Variants in CEP95 observed in about 807,000 individuals in gnomAD.
The protein encoded by CEP95 is centrosomal protein of 95 kDa.
Under a neutral mutation model 111.2 loss-of-function variants are expected in CEP95, and 98 were observed. The ratio of observed to expected loss-of-function variants is 0.88; its 90% confidence interval spans 0.75 to 1.04. The LOEUF is 1.04. CEP95 is among the 50% of genes least tolerant of loss of function. The pLI is 0.00. For synonymous variants in CEP95, 323 were observed against 327.1 expected (o/e 0.99, Z 0.14); for missense variants, 1,027 against 977.2 (o/e 1.05, Z -0.68).
In CEP95 at chr17:64,510,178, A is replaced by G. The variant is rs370399816; in HGVS notation, c.154A>G (p.Ile52Val). 7 of 1,593,786 alleles carry G rather than the reference A, an allele frequency of 4.4e-6. No individual in the cohort carries two copies. The highest frequency in any genetic ancestry group is 1.1e-5 in the South Asian group (1 of 89,498). ...GTGATTTTTTCCCCCCCCAGACCTC[A>G]TAGTTATTCCTAGGAGTCAAGAAGA... The part of the protein sequence containing the change: ...SILGEKVPDL[I>V]VIPRSQEDDA... Residue 52 changes from isoleucine to valine, a missense_variant, in exon 3 of 20, where the codon ATA becomes GTA. Physicochemically the swap from Ile to Val is conservative, Grantham distance 29. Transcript: ENST00000556440.
In CEP95 at chr17:64,532,976, G is replaced by A. The variant is rs781878279; in HGVS notation, c.1810G>A (p.Glu604Lys). The A allele has an allele frequency of 4.6e-5, 74 of 1,612,268 alleles. No individual in the cohort carries two copies. The highest frequency in any genetic ancestry group is 1.6e-4 in the Middle Eastern group (1 of 6,076). The change falls in exon 15 of 20, where the codon GAA (glutamate) becomes AAA (lysine). Residue 604 changes from glutamate to lysine, a missense_variant. Coordinates refer to ENST00000556440, the MANE Select transcript of CEP95 (RefSeq NM_138363.3). Reference protein sequence around the residue: ...VEQLKKEACRENRSKKKLQDE... With the variant: ...VEQLKKEACRKNRSKKKLQDE... ...ACAGCTTAAGAAAGAAGCATGTAGAGAAAATCGATCAAAGAAGAAACTCCA... is the reference window on the plus strand; with the variant it reads ...ACAGCTTAAGAAAGAAGCATGTAGAAAAAATCGATCAAAGAAGAAACTCCA...
rs1555673199 is a variant in CEP95, at chr17:64,507,140, G to A, written c.19+24G>A. ...TGGTGAGTGTCTCCCTGGGGTCCCA[G>A]TATGTGTGGACTGAAACCGTCCACC... On this transcript the variant is annotated intron_variant, in intron 1 of 19. Transcript: ENST00000556440. 6 of 1,551,468 alleles carry A rather than the reference G, an allele frequency of 3.9e-6. No individual in the cohort carries two copies. In the South Asian group the frequency reaches 5.9e-5, roughly 15 times the overall value.
intron 13 of CEP95, 86 bp downstream of exon 13, chr17:64,531,104 C>T: frequency 1.4e-6 from 1 of 692,840 alleles, no homozygotes; most frequent in Non-Finnish European, 2.3e-6. Context: ...GAAGAAGGGG[C>T]CAACAGGGCC....
At chr17:64,518,966 C>T (rs927800527) in intron 5 of CEP95, among the ~76,000 whole-genome samples, 3 of 152,156 alleles carry the variant, frequency 2.0e-5, no homozygotes, top group Admixed American at 6.5e-5. Flanking sequence ...CAGGTGTGAG[C>T]TACCATGCCC....
rs782433279 is a variant in CEP95, at chr17:64,537,618, A to T, written c.2305A>T (p.Lys769Ter). 1 of 1,608,942 alleles carries T rather than the reference A, an allele frequency of 6.2e-7. No individual in the cohort carries two copies. Among genetic ancestry groups the T allele is most frequent in the East Asian group, 2.2e-5 (1 of 44,718 alleles). ...KSQAQTLHKV[K>*]RELRSKMEKE... ...CTTTTTTCAGACATTACATAAGGTG[A>T]AGAGGGAGCTGAGATCTAAGATGGA... is the stretch of plus-strand genomic sequence containing the variant. The change falls in exon 20 of 20, where the codon AAG becomes TAG. Residue 769 changes from lysine to a stop codon, truncating the protein, a stop_gained. Transcript: ENST00000556440. LOFTEE classifies it high-confidence loss of function.
At chr17:64,525,455 T>C (rs1236009051) in intron 8 of CEP95, among the ~76,000 whole-genome samples, 1 of 152,230 alleles carries the variant, frequency 6.6e-6, no homozygotes, top group Admixed American at 6.5e-5. Flanking sequence ...TTGAATACTT[T>C]GTACTAGTGA....
chr17:64,519,563 GA>G, intron 6 of CEP95, 127 bp downstream of exon 6: 4 of 659,444 alleles, frequency 6.1e-6, no homozygotes, highest in Non-Finnish European at 1.0e-5. Context: ...TGAAATTCCA[GA>G]ATATCCCACT....
At chr17:64,514,402 T>A (rs1555675919) in intron 4 of CEP95, 44 bp downstream of exon 4, 1 of 853,322 alleles carries the variant, frequency 1.2e-6, no homozygotes, top group Admixed American at 2.1e-5. Flanking sequence ...CCTTTTATGA[T>A]GTGTCCCTTT....
At chr17:64,508,527 T>A (rs563648559) in intron 1 of CEP95, 65 bp from the exon 2 acceptor site, 3 of 1,273,718 alleles carry the variant, frequency 2.4e-6, no homozygotes, top group South Asian at 5.9e-5. Context: ...TTGGATTTTT[T>A]AAATGTCTGT....
At chr17:64,534,945 ATCT>A (rs1968550040) in intron 17 of CEP95, 2 of 546,278 alleles carry the variant, frequency 3.7e-6, no homozygotes, top group African/African-American at 3.8e-5. Context: ...CGTGTCCCTC[ATCT>A]TAATGTGAAG....
rs782156591 is a variant in CEP95 at position 64,519,422 on chromosome 17, C to T, written c.575C>T (p.Ser192Phe). The part of the protein sequence containing the change: ...IRLGDTAHTF[S>F]LRSNGAQCPN... The stretch of plus-strand genomic sequence containing the variant: ...CTTGGAGACACAGCACACACCTTTT[C>T]TCTAAGAAGTAATGGTGAGTAGTTA... Residue 192 changes from serine (S) to phenylalanine (F), a missense_variant, in exon 6 of 20, where the codon TCT (serine) becomes TTT (phenylalanine). Ser to Phe is a radical substitution (Grantham distance 155, BLOSUM62 -2). Coordinates refer to ENST00000556440, the MANE Select transcript of CEP95 (RefSeq NM_138363.3). The T allele has an allele frequency of 6.2e-7, 1 of 1,611,994 alleles. No individual in the cohort carries two copies. Among genetic ancestry groups the T allele is most frequent in the Admixed American group, 1.7e-5 (1 of 59,988 alleles).
In CEP95 at chr17:64,534,815, A is replaced by G. The variant is rs551392939; in HGVS notation, c.2070+78A>G. The G allele has an allele frequency of 7.1e-4, 1,071 of 1,513,502 alleles. 1 individual carries two copies. Among genetic ancestry groups the G allele is most frequent in the Non-Finnish European group, 8.8e-4 (978 of 1,110,956 alleles). 93.8% of individuals were successfully genotyped at this position (1,513,502 alleles called of 1,614,324 possible). ...TTCAGGACCACCTTCTTTGTTCGTGACTCTTGTCCAAATTTGAATCCAAAA... is the reference window on the plus strand; with the variant it reads ...TTCAGGACCACCTTCTTTGTTCGTGGCTCTTGTCCAAATTTGAATCCAAAA... On this transcript the variant is annotated intron_variant, in intron 17 of 19. Transcript: ENST00000556440.
At chr17:64,533,276 C>T in intron 16 of CEP95, 85 bp downstream of exon 16, 2 of 1,178,594 alleles carry the variant, frequency 1.7e-6, no homozygotes, top group African/African-American at 1.5e-5. Flanking sequence ...AACAGTTGCA[C>T]AGACCCTTAA....
At chr17:64,508,955 C>T (rs8071124) in intron 2 of CEP95, among the ~76,000 whole-genome samples, 3 of 151,472 alleles carry the variant, frequency 2.0e-5, no homozygotes, top group Non-Finnish European at 4.4e-5. Context: ...TTAAGGAATA[C>T]CCTGTGGAAC....
chr17:64,530,295 A>G (rs1555679999), intron 12 of CEP95, among the ~76,000 whole-genome samples: 1 of 151,980 alleles, frequency 6.6e-6, no homozygotes, highest in East Asian at 1.9e-4. Flanking sequence ...CTGAGGCAGG[A>G]GAATCACTTG....
Position 64,522,709 on chromosome 17 carries a change from CCTTT to C in CEP95, c.726_729del (p.Ser243Ter). Reference sequence around the variant, plus strand: ...TTTAATTTGTCTTACTAGCGGAAACCCTTTCTGTGAGTGGGATTCCAAATGCTAG... The same window carrying C: ...TTTAATTTGTCTTACTAGCGGAAACCCTGTGAGTGGGATTCCAAATGCTAG... On this transcript the variant is annotated frameshift_variant, in exon 8 of 20. Coordinates refer to ENST00000556440, the MANE Select transcript of CEP95 (RefSeq NM_138363.3). LOFTEE classifies it high-confidence loss of function. 1.9e-6 allele frequency: 3 copies of C among 1,611,790 alleles called. No homozygotes were observed. The highest frequency in any genetic ancestry group is 2.5e-6 in the Non-Finnish European group (3 of 1,178,988).
intron 12 of CEP95, among the ~76,000 whole-genome samples, chr17:64,530,047 G>GA (rs1968148406): frequency 1.3e-5 from 2 of 152,230 alleles, no homozygotes; most frequent in South Asian, 2.1e-4. Context: ...CTTGAGAACA[G>GA]AAAAAACGCA....
At chr17:64,519,262 C>G (rs1967123984) in intron 5 of CEP95, 59 bp from the exon 6 acceptor site, 1 of 1,146,474 alleles carries the variant, frequency 8.7e-7, no homozygotes, top group African/African-American at 1.5e-5. Flanking sequence ...TCTCCAGGTC[C>G]TCAGGGGAAG....
intron 3 of CEP95, among the ~76,000 whole-genome samples, chr17:64,513,935 G>GT (rs1287770519): frequency 6.6e-6 from 1 of 152,098 alleles, no homozygotes; most frequent in African/African-American, 2.4e-5. Flanking sequence ...TACTAGACAT[G>GT]TTTTCTTAAG....
Sources: allele counts gnomAD v4.1 joint callset (sites outside exome capture counted in the v4.1 genomes callset), GRCh38; gene constraint gnomAD v4.1.1; transcripts MANE v1.5; gene names NCBI Gene and HGNC (gene_info 2026-07-23, HGNC 2026-07-21).